Variants in KLF12 observed in about 807,000 individuals in gnomAD.
KLF12 encodes the protein KLF transcription factor 12, also known as Krueppel-like factor 12.
KLF12 carries 9 observed loss-of-function variants against 37.8 expected under a neutral mutation model. The ratio of observed to expected loss-of-function variants is 0.24; its 90% CI spans 0.14 to 0.42. The LOEUF (loss-of-function observed/expected upper bound fraction) is 0.42, where lower values mean the gene tolerates loss of function less well. Among genes scored for constraint, KLF12 ranks in the 10% least tolerant of loss-of-function variants. KLF12 has a pLI of 1.00. For synonymous variants in KLF12, 208 were observed against 202.1 expected (o/e 1.03, Z -0.25); for missense variants, 411 against 516.0 (o/e 0.80, Z 1.97).
chr13:73,780,948 C>G (rs1201560233), intron 5 of KLF12, among the ~76,000 whole-genome samples: 1 of 152,228 alleles, frequency 6.6e-6, no homozygotes, highest in African/African-American at 2.4e-5. Flanking sequence ...AAAATGCTAT[C>G]AAACAGCACT....
At position 73,838,114 on chromosome 13, in the gene KLF12, T is replaced by C. The variant is rs77525872; in HGVS notation, c.670+7713A>G. 7.8e-3 allele frequency among the ~76,000 whole-genome samples: 1,181 copies of C among 151,992 alleles called. 41 individuals carry two copies. The highest frequency in any genetic ancestry group is 0.057 in the Admixed American group (869 of 15,250). On this transcript the variant is annotated intron_variant, in intron 4 of 7. Transcript: ENST00000377669. ...AAGAGATCTGAAATGGGAAGTTCCA[T>C]GGGAATAAACTCCAGTTGCATCAAC... is the stretch of plus-strand genomic sequence containing the variant.
chr13:74,100,665 T>C (rs1225431749), intron 1 of KLF12, among the ~76,000 whole-genome samples: 3 of 151,658 alleles, frequency 2.0e-5, no homozygotes, highest in African/African-American at 2.4e-5. Context: ...ACCTCAAATA[T>C]ATGTATATAA....
At chr13:73,806,649 C>CAAAAAAAAAAAA (rs11482328) in intron 5 of KLF12, among the ~76,000 whole-genome samples, 6 of 108,252 alleles carry the variant, frequency 5.5e-5, no homozygotes, top group East Asian at 3.0e-4. Flanking sequence ...AAAAAACAAA[C>CAAAAAAAAAAAA]AAAAAAAAAA....
the KLF12 span, among the ~76,000 whole-genome samples, chr13:74,246,284 AAT>A: frequency 6.6e-6 from 1 of 152,292 alleles, no homozygotes; most frequent in South Asian, 2.1e-4. Flanking sequence ...ATGAACTAGG[AAT>A]AGCACATTCT....
At chr13:74,211,228 A>G in the KLF12 span, among the ~76,000 whole-genome samples, 1 of 152,158 alleles carries the variant, frequency 6.6e-6, no homozygotes, top group East Asian at 1.9e-4. Context: ...GAGTAAGACC[A>G]GTTCCCTTGG....
the KLF12 span, among the ~76,000 whole-genome samples, chr13:74,201,764 CAAGCAGGGCATTAATTTTA>C: frequency 2.6e-4 from 39 of 152,100 alleles, no homozygotes; most frequent in Non-Finnish European, 3.1e-4. Flanking sequence ...CAGTCTTTGC[CAAGCAGGGCATTAATTTTA>C]ACCATAGAAA....
chr13:74,009,761 C>T (rs919503735), intron 1 of KLF12, among the ~76,000 whole-genome samples: 3 of 152,134 alleles, frequency 2.0e-5, no homozygotes, highest in Admixed American at 6.5e-5. Context: ...GCAGCATTTA[C>T]TTTGTGGATC....
intron 3 of KLF12, among the ~76,000 whole-genome samples, chr13:73,850,628 A>G (rs1030069776): frequency 5.3e-5 from 8 of 152,194 alleles, no homozygotes; most frequent in Non-Finnish European, 1.0e-4. Context: ...AGCAATGCAT[A>G]ATATTCTACT....
the KLF12 span, among the ~76,000 whole-genome samples, chr13:74,177,822 T>C: frequency 1.2e-4 from 18 of 152,186 alleles, no homozygotes; most frequent in African/African-American, 4.3e-4. Flanking sequence ...TGAAAAACTT[T>C]TGATGCTAGG....
chr13:73,814,668 A>G (rs1336350643), intron 4 of KLF12, among the ~76,000 whole-genome samples: 5 of 152,226 alleles, frequency 3.3e-5, no homozygotes, highest in Non-Finnish European at 7.3e-5. Context: ...TTCAAATAAT[A>G]TAAAGTAATG....
chr13:74,146,733 A>C, the KLF12 span, among the ~76,000 whole-genome samples: 8 of 152,158 alleles, frequency 5.3e-5, no homozygotes, highest in African/African-American at 1.9e-4. Context: ...TAATGTGCTA[A>C]GTGTTTGATG....
At chr13:73,982,783 T>C (rs752682132) in intron 2 of KLF12, among the ~76,000 whole-genome samples, 10 of 152,192 alleles carry the variant, frequency 6.6e-5, no homozygotes, top group Non-Finnish European at 1.2e-4. Flanking sequence ...TTTCTCATAG[T>C]TAAGTCCTGT....
At chr13:74,250,708 G>C in the KLF12 span, among the ~76,000 whole-genome samples, 1 of 152,054 alleles carries the variant, frequency 6.6e-6, no homozygotes, top group Non-Finnish European at 1.5e-5. Context: ...TTCAAAAAAA[G>C]ATCAAGGCTG....
chr13:73,810,991 T>C lies in KLF12; in HGVS notation c.806+2161A>G, dbSNP rs1442546078. ...TTTTTAATTTTTCTTTCTTTTTTTT[T>C]TTTTTTTTTTTTTTTTAGGAGTCTC... On this transcript the variant is annotated intron_variant, in intron 5 of 7. Coordinates refer to ENST00000377669, the MANE Select transcript of KLF12 (RefSeq NM_007249.5). Among the ~76,000 whole-genome samples, 100 of 129,214 alleles carry C rather than the reference T, an allele frequency of 7.7e-4. 1 individual carries two copies. The highest frequency in any genetic ancestry group is 2.8e-3 in the African/African-American group (97 of 34,234). 84.8% of individuals were successfully genotyped at this position (129,214 alleles called of 152,430 possible).
the KLF12 span, among the ~76,000 whole-genome samples, chr13:74,178,061 A>G: frequency 6.6e-6 from 1 of 152,252 alleles, no homozygotes; most frequent in Non-Finnish European, 1.5e-5. Context: ...CTGGTATAGC[A>G]TTCTACGGTG....
chr13:73,824,574 T>C (rs1883725861), intron 4 of KLF12, among the ~76,000 whole-genome samples: 1 of 152,162 alleles, frequency 6.6e-6, no homozygotes, highest in Non-Finnish European at 1.5e-5. Context: ...AAAAGAACAG[T>C]ATTACTGTAT....
At chr13:73,889,440 A>G (rs1887397695) in intron 3 of KLF12, among the ~76,000 whole-genome samples, 1 of 152,124 alleles carries the variant, frequency 6.6e-6, no homozygotes, top group African/African-American at 2.4e-5. Context: ...ACAATGTGGG[A>G]ATTATTACGC....
At chr13:74,088,609 T>C (rs1174579509) in intron 1 of KLF12, among the ~76,000 whole-genome samples, 1 of 152,204 alleles carries the variant, frequency 6.6e-6, no homozygotes, top group African/African-American at 2.4e-5. Flanking sequence ...GGTCATCACA[T>C]GGTACTCTGA....
chr13:73,968,649 A>G (rs1891238911), intron 2 of KLF12, among the ~76,000 whole-genome samples: 1 of 152,242 alleles, frequency 6.6e-6, no homozygotes, highest in African/African-American at 2.4e-5. Flanking sequence ...TTTCTAAAAG[A>G]TGATGCTTTT....
Sources: allele counts gnomAD v4.1 joint callset (sites outside exome capture counted in the v4.1 genomes callset), GRCh38; gene constraint gnomAD v4.1.1; transcripts MANE v1.5; gene names NCBI Gene and HGNC (gene_info 2026-07-23, HGNC 2026-07-21).